MSH3: variants seen among roughly 807,000 people sequenced by gnomAD.
MSH3 encodes mutS homolog 3.
In MSH3, 106 loss-of-function variants were observed where a neutral mutation model predicts 123.3. The observed-to-expected ratio is 0.86, with a 90% CI of 0.73 to 1.01. The LOEUF (loss-of-function observed/expected upper bound fraction) is 1.01. Ranked by LOEUF, MSH3 falls within the 50% of genes least tolerant of loss-of-function variation. The pLI, the probability that MSH3 is intolerant of heterozygous loss-of-function variation, is 0.00. For synonymous variants in MSH3, 515 were observed against 481.4 expected (o/e 1.07, Z -0.91); for missense variants, 1,459 against 1,347.6 (o/e 1.08, Z -1.29).
At chr5:80,716,666 T>C (rs1018377484) in intron 8 of MSH3, among the ~76,000 whole-genome samples, 6 of 152,206 alleles carry the variant, frequency 3.9e-5, no homozygotes, top group Non-Finnish European at 8.8e-5. Context: ...GTGTATACAA[T>C]GTATAATTAT....
At chr5:80,727,858 AG>A (rs1743329770) in intron 9 of MSH3, among the ~76,000 whole-genome samples, 1 of 152,162 alleles carries the variant, frequency 6.6e-6, no homozygotes, top group Non-Finnish European at 1.5e-5. Flanking sequence ...TGGTAAAGGA[AG>A]GCCTCACTGA....
intron 15 of MSH3, among the ~76,000 whole-genome samples, chr5:80,774,778 G>A (rs987259783): frequency 3.3e-5 from 5 of 152,114 alleles, no homozygotes; most frequent in South Asian, 2.1e-4. Flanking sequence ...TTGAACTCAC[G>A]GAGATACAGA....
rs141695659 is a variant in MSH3 at position 80,659,000 on chromosome 5, A to G, written c.358+2469A>G. 3.3e-3 allele frequency among the ~76,000 whole-genome samples: 500 copies of G among 152,220 alleles called. 2 individuals are homozygous for G. The highest frequency in any genetic ancestry group is 0.012 in the African/African-American group (481 of 41,540). ...TGTAATCCCAGCACTTTGGGAGGCCAAGGCAGGTGTATCACCTGAGGTCAG... is the reference window on the plus strand; with the variant it reads ...TGTAATCCCAGCACTTTGGGAGGCCGAGGCAGGTGTATCACCTGAGGTCAG... On this transcript the variant is annotated intron_variant, in intron 2 of 23. Transcript: ENST00000265081.
intron 8 of MSH3, among the ~76,000 whole-genome samples, chr5:80,699,307 C>T (rs1056831447): frequency 8.6e-5 from 13 of 151,860 alleles, no homozygotes; most frequent in Non-Finnish European, 1.6e-4. Context: ...ACCTGTAATC[C>T]CAGCACTATG....
intron 5 of MSH3, 127 bp from the exon 6 acceptor site, chr5:80,672,614 C>T (rs1749748637): frequency 1.2e-6 from 1 of 845,092 alleles, no homozygotes; most frequent in East Asian, 2.6e-5. Context: ...CTCCTTTAAA[C>T]CCTACATCTG....
chr5:80,723,665 A>G, intron 8 of MSH3, among the ~76,000 whole-genome samples: 1 of 152,252 alleles, frequency 6.6e-6, no homozygotes, highest in East Asian at 1.9e-4. Context: ...AGTACCACTC[A>G]TACAAAATGA....
chr5:80,779,395 C>T (rs769216393), intron 17 of MSH3, among the ~76,000 whole-genome samples: 15 of 152,040 alleles, frequency 9.9e-5, no homozygotes, highest in Non-Finnish European at 1.6e-4. Context: ...CTTTTTATCT[C>T]TCATGTATTT....
chr5:80,832,714 T>G (rs1745440499), intron 20 of MSH3, among the ~76,000 whole-genome samples: 1 of 151,854 alleles, frequency 6.6e-6, no homozygotes, highest in Non-Finnish European at 1.5e-5. Context: ...AATGCTAAAA[T>G]GGTAAATTTT....
chr5:80,851,390 A>AAAGTACTTTTTTC, intron 20 of MSH3, among the ~76,000 whole-genome samples: 1 of 152,304 alleles, frequency 6.6e-6, no homozygotes, highest in African/African-American at 2.4e-5. Context: ...TATACATATT[A>AAAGTACTTTTTTC]CAATATATAT....
intron 20 of MSH3, among the ~76,000 whole-genome samples, chr5:80,841,081 G>T (rs1038019629): frequency 1.3e-5 from 2 of 151,570 alleles, no homozygotes; most frequent in South Asian, 2.1e-4. Flanking sequence ...ACAGACCCCG[G>T]TGTGTGATGT....
At chr5:80,687,142 A>AT (rs1192114819) in intron 8 of MSH3, among the ~76,000 whole-genome samples, 3 of 152,148 alleles carry the variant, frequency 2.0e-5, no homozygotes, top group Non-Finnish European at 4.4e-5. Flanking sequence ...TACACTATCA[A>AT]TTTTTCTTAG....
At chr5:80,686,981 A>G (rs1750106567) in intron 8 of MSH3, among the ~76,000 whole-genome samples, 1 of 152,162 alleles carries the variant, frequency 6.6e-6, no homozygotes, top group African/African-American at 2.4e-5. Context: ...AAAGGATTTG[A>G]TATTTTGTGA....
chr5:80,872,725 T>C (rs150351360), intron 22 of MSH3, among the ~76,000 whole-genome samples: 319 of 151,918 alleles, frequency 2.1e-3, no homozygotes, highest in African/African-American at 7.6e-3. Flanking sequence ...GAGGATTGCT[T>C]GAGCCCAGGA....
rs1203268329 is a variant in MSH3, at chr5:80,801,536, T to G, written c.2655+8692T>G. Among the ~76,000 whole-genome samples the G allele has an allele frequency of 2.6e-5, 4 of 152,186 alleles. No homozygotes were observed. The East Asian group carries it at 7.7e-4, about 29-fold the overall frequency. ...CTTCTAAAGCCTTGAAGTTAGTTCTTCTTTGACATCCTCAAATCCTGGGGC... is the reference window on the plus strand; with the variant it reads ...CTTCTAAAGCCTTGAAGTTAGTTCTGCTTTGACATCCTCAAATCCTGGGGC... On this transcript the variant is annotated intron_variant, in intron 19 of 23. Coordinates refer to ENST00000265081, the MANE Select transcript of MSH3 (RefSeq NM_002439.5).
rs1277559108 is a variant in MSH3 at position 80,729,460 on chromosome 5, G to GTGTGTGTGTGTGTATA, written c.1568+496_1568+497insGTGTGTGTGTGTATAT. Among the ~76,000 whole-genome samples the GTGTGTGTGTGTGTATA allele has an allele frequency of 6.9e-4, 66 of 95,028 alleles. 1 individual carries two copies. The East Asian group carries it at 7.9e-3, about 11-fold the overall frequency. The allele number at this position is 95,028 out of a possible 152,430, so 62.3% of individuals were successfully genotyped here. On this transcript the variant is annotated intron_variant, in intron 10 of 23. Transcript: ENST00000265081. ...TGTGTGTGTGTGTGTGTGTGTGTGT[G>GTGTGTGTGTGTGTATA]TATATATATATATATATATAAAGAA...
chr5:80,656,910 T>C (rs1460154559), intron 2 of MSH3, among the ~76,000 whole-genome samples: 1 of 152,206 alleles, frequency 6.6e-6, no homozygotes, highest in Non-Finnish European at 1.5e-5. Flanking sequence ...TGGTGTTCTG[T>C]ATATACTTCC....
At chr5:80,730,906 T>C (rs1743399323) in intron 10 of MSH3, among the ~76,000 whole-genome samples, 1 of 147,048 alleles carries the variant, frequency 6.8e-6, no homozygotes, top group African/African-American at 2.5e-5. Flanking sequence ...TTTTTTTTTT[T>C]TCTTTTTTTT....
intron 12 of MSH3, among the ~76,000 whole-genome samples, chr5:80,758,634 A>T (rs1264756127): frequency 6.6e-6 from 1 of 152,234 alleles, no homozygotes; most frequent in East Asian, 1.9e-4. Context: ...TGTTGGCACT[A>T]GACTAAAATA....
At chr5:80,703,272 A>C (rs568320181) in intron 8 of MSH3, among the ~76,000 whole-genome samples, 1 of 152,320 alleles carries the variant, frequency 6.6e-6, no homozygotes, top group African/African-American at 2.4e-5. Context: ...CTAGTTGCTA[A>C]GTCAGGGTAT....
Sources: allele counts gnomAD v4.1 joint callset (sites outside exome capture counted in the v4.1 genomes callset), GRCh38; gene constraint gnomAD v4.1.1; transcripts MANE v1.5; gene names NCBI Gene and HGNC (gene_info 2026-07-23, HGNC 2026-07-21).